PRKAR2B: variants seen among roughly 807,000 people sequenced by gnomAD.
The protein encoded by PRKAR2B is protein kinase cAMP-dependent type II regulatory subunit beta, also known as cAMP-dependent protein kinase type II-beta regulatory subunit.
PRKAR2B carries 14 observed loss-of-function variants against 49.9 expected under a neutral mutation model. The ratio of observed to expected loss-of-function variants is 0.28; its 90% CI spans 0.19 to 0.44. The LOEUF (loss-of-function observed/expected upper bound fraction) is 0.44, where lower values mean the gene tolerates loss of function less well. Among genes scored for constraint, PRKAR2B ranks in the 20% least tolerant of loss-of-function variants. PRKAR2B has a pLI of 1.00. For synonymous variants in PRKAR2B, 196 were observed against 197.7 expected (o/e 0.99, Z 0.07); for missense variants, 393 against 537.9 (o/e 0.73, Z 2.67).
chr7:107,069,603 A>G (rs1478902206), intron 1 of PRKAR2B: 1 of 152,176 alleles, frequency 6.6e-6, no homozygotes. Flanking sequence ...GAAGATACAG[A>G]GCTGAGTTGA....
chr7:107,125,277 T>C (rs1321147539), intron 3 of PRKAR2B, among the ~76,000 whole-genome samples: 1 of 152,334 alleles, frequency 6.6e-6, no homozygotes, highest in East Asian at 1.9e-4. Context: ...TTGGGCAAGT[T>C]GATTTCCTTA....
At chr7:107,074,835 G>C (rs1794364290) in intron 2 of PRKAR2B, among the ~76,000 whole-genome samples, 1 of 151,886 alleles carries the variant, frequency 6.6e-6, no homozygotes, top group South Asian at 2.1e-4. Context: ...TTTAGTGGTG[G>C]TAGTAGTAGT....
chr7:107,141,223 T>C (rs1795785304), intron 5 of PRKAR2B, among the ~76,000 whole-genome samples: 1 of 152,246 alleles, frequency 6.6e-6, no homozygotes, highest in Non-Finnish European at 1.5e-5. Flanking sequence ...CTTCATTTGC[T>C]GAATTCTAAT....
chr7:107,147,932 A>T (rs1795921778), intron 6 of PRKAR2B, among the ~76,000 whole-genome samples: 1 of 152,250 alleles, frequency 6.6e-6, no homozygotes, highest in South Asian at 2.1e-4. Flanking sequence ...CTCTGAAGTC[A>T]ATTCAGCTGA....
chr7:107,154,626 A>C (rs1418441678), intron 8 of PRKAR2B, among the ~76,000 whole-genome samples: 2 of 152,216 alleles, frequency 1.3e-5, no homozygotes, highest in Non-Finnish European at 2.9e-5. Flanking sequence ...TAAATTCAAC[A>C]TTTATTTTTG....
chr7:107,136,563 C>G (rs1371201021), intron 4 of PRKAR2B, among the ~76,000 whole-genome samples: 1 of 152,124 alleles, frequency 6.6e-6, no homozygotes, highest in Non-Finnish European at 1.5e-5. Flanking sequence ...AAAGATGCTC[C>G]ACATCACATG....
chr7:107,106,881 T>G (rs1316202052), intron 2 of PRKAR2B, among the ~76,000 whole-genome samples: 1 of 152,008 alleles, frequency 6.6e-6, no homozygotes, highest in African/African-American at 2.4e-5. Context: ...TGGTGTGGCT[T>G]CTTGGTGCCT....
At chr7:107,100,093 G>A (rs956077720) in intron 2 of PRKAR2B, among the ~76,000 whole-genome samples, 2 of 151,736 alleles carry the variant, frequency 1.3e-5, no homozygotes, top group African/African-American at 2.4e-5. Flanking sequence ...CTTTTCTGGT[G>A]CTCTTTATTT....
chr7:107,097,145 A>G (rs1347555590), intron 2 of PRKAR2B, among the ~76,000 whole-genome samples: 2 of 152,168 alleles, frequency 1.3e-5, no homozygotes, highest in African/African-American at 2.4e-5. Flanking sequence ...GTGGGAGTCT[A>G]AGTCTCTTTG....
intron 2 of PRKAR2B, among the ~76,000 whole-genome samples, chr7:107,092,665 C>G (rs967487043): frequency 1.3e-5 from 2 of 152,062 alleles, no homozygotes; most frequent in African/African-American, 4.8e-5. Context: ...TCTGTTTACT[C>G]ACATACTTAT....
At chr7:107,086,181 T>G (rs1794615908) in intron 2 of PRKAR2B, among the ~76,000 whole-genome samples, 1 of 151,930 alleles carries the variant, frequency 6.6e-6, no homozygotes, top group South Asian at 2.1e-4. Context: ...TCCTGTTAAA[T>G]TTTTTTTTCT....
intron 1 of PRKAR2B, chr7:107,066,503 T>C (rs1222933927): frequency 6.6e-6 from 1 of 152,210 alleles, no homozygotes; most frequent in Non-Finnish European, 1.5e-5. Flanking sequence ...TAGTTTACAC[T>C]AAATAAGCGT....
intron 2 of PRKAR2B, among the ~76,000 whole-genome samples, chr7:107,117,933 A>G (rs1184547468): frequency 6.6e-6 from 1 of 152,234 alleles, no homozygotes; most frequent in Non-Finnish European, 1.5e-5. Flanking sequence ...ATATACATAT[A>G]TGCACAACAA....
chr7:107,095,905 G>C (rs955868443), intron 2 of PRKAR2B, among the ~76,000 whole-genome samples: 3 of 152,136 alleles, frequency 2.0e-5, no homozygotes, highest in African/African-American at 4.8e-5. Context: ...TTCAGTTTGC[G>C]AGTATTTCAT....
At chr7:107,059,480 C>T (rs192485867) in intron 1 of PRKAR2B, among the ~76,000 whole-genome samples, 3 of 150,948 alleles carry the variant, frequency 2.0e-5, no homozygotes, top group Non-Finnish European at 2.9e-5. Flanking sequence ...ATAAATTTTG[C>T]ACTTATAAAA....
intron 2 of PRKAR2B, among the ~76,000 whole-genome samples, chr7:107,090,983 A>G (rs759915279): frequency 1.1e-4 from 17 of 152,248 alleles, no homozygotes; most frequent in South Asian, 2.1e-4. Flanking sequence ...TCAAAGAGAT[A>G]AAGTGGGAGG....
At chr7:107,124,696 T>TCA (rs1795453255) in intron 3 of PRKAR2B, among the ~76,000 whole-genome samples, 1 of 152,204 alleles carries the variant, frequency 6.6e-6, no homozygotes, top group Non-Finnish European at 1.5e-5. Flanking sequence ...TTAGGATTAC[T>TCA]GGCGTGAGCC....
chr7:107,103,475 C>T (rs188604729), intron 2 of PRKAR2B, among the ~76,000 whole-genome samples: 2 of 152,296 alleles, frequency 1.3e-5, no homozygotes, highest in Non-Finnish European at 2.9e-5. Flanking sequence ...AGCCCCTGCC[C>T]AGCAGCACCA....
chr7:107,044,870 G>C lies in PRKAR2B; in HGVS notation c.-38G>C, dbSNP rs1171972945. On this transcript the variant is annotated 5_prime_UTR_variant, in exon 1 of 11. Transcript: ENST00000265717. Reference sequence around the variant, plus strand: ...CCCTAGGCCGTGCCGGGGAGGGGGCGAGGGCGGCGCCCAGGCGCCTGCCGC... The same window carrying C: ...CCCTAGGCCGTGCCGGGGAGGGGGCCAGGGCGGCGCCCAGGCGCCTGCCGC... 4 of 1,542,974 alleles carry C rather than the reference G, an allele frequency of 2.6e-6. No individual in the cohort carries two copies. Among genetic ancestry groups the C allele is most frequent in the Middle Eastern group, 4.1e-4 (2 of 4,930 alleles).
Sources: gnomAD v4.1 joint callset for allele counts (sites outside exome capture counted in the v4.1 genomes callset) on GRCh38, gnomAD v4.1.1 for gene constraint, MANE v1.5 for transcripts, NCBI Gene and HGNC (gene_info 2026-07-23, HGNC 2026-07-21) for gene names.